Variants in SIN3B observed in about 807,000 individuals in gnomAD.
SIN3B encodes the protein SIN3 transcription regulator family member B, also known as paired amphipathic helix protein Sin3b.
SIN3B carries 19 observed loss-of-function variants against 120.2 expected under a neutral mutation model. The ratio of observed to expected loss-of-function variants is 0.16; its 90% confidence interval spans 0.11 to 0.23. SIN3B has a LOEUF of 0.23. Ranked by LOEUF, SIN3B falls within the 10% of genes least tolerant of loss-of-function variation. The pLI is 1.00. For synonymous variants in SIN3B, 654 were observed against 653.2 expected (o/e 1.00, Z -0.02); for missense variants, 1,073 against 1,573.0 (o/e 0.68, Z 5.38).
At chr19:16,874,887 G>A (rs1423870288) in intron 14 of SIN3B, among the ~76,000 whole-genome samples, 2 of 151,832 alleles carry the variant, frequency 1.3e-5, no homozygotes, top group African/African-American at 4.8e-5. Flanking sequence ...GTCTGGTCTG[G>A]TCTGGTTTTG....
intron 8 of SIN3B, among the ~76,000 whole-genome samples, chr19:16,861,033 C>T (rs1971681284): frequency 1.3e-5 from 2 of 152,126 alleles, no homozygotes; most frequent in African/African-American, 2.4e-5. Context: ...TCCAGGTACA[C>T]ACCACCAGGT....
chr19:16,860,398 G>C (rs1366795908), intron 8 of SIN3B, among the ~76,000 whole-genome samples: 6 of 152,158 alleles, frequency 3.9e-5, no homozygotes, highest in Non-Finnish European at 8.8e-5. Context: ...AGGCATCTCT[G>C]CAGCTTTTTT....
intron 5 of SIN3B, among the ~76,000 whole-genome samples, chr19:16,848,889 T>G (rs1334184968): frequency 6.6e-6 from 1 of 152,208 alleles, no homozygotes; most frequent in African/African-American, 2.4e-5. Context: ...CCTCCCACCT[T>G]GGCCTCCCAA....
Position 16,869,956 on chromosome 19 carries a change from G to C in SIN3B, c.2303G>C (p.Arg768Pro). 6.2e-7 allele frequency: 1 copy of C among 1,614,210 alleles called. No homozygotes were observed. The change falls in exon 13 of 19, where the codon CGC becomes CCC. Residue 768 changes from arginine to proline, a missense_variant. Arg to Pro is a moderately radical substitution (Grantham distance 103). Around this residue, in one of 7 missense-constraint regions of SIN3B, gnomAD observed 52 missense variants for 68.8 expected, o/e 0.76. Transcript: ENST00000248054. ...TLCSRLLKIY[R>P]QAQKQLLEYR... ...TGCTCCAGGCTGCTGAAGATCTACC[G>C]CCAGGCGCAGAAGCAGCTTCTGGAG...
At chr19:16,878,099 C>G in intron 17 of SIN3B, 84 bp from the exon 18 acceptor site, 2 of 1,201,000 alleles carry the variant, frequency 1.7e-6, no homozygotes, top group Non-Finnish European at 2.3e-6. Flanking sequence ...TCTGATGGTC[C>G]CAGGCCTGGG....
chr19:16,861,534 G>A (rs991881128), intron 8 of SIN3B, among the ~76,000 whole-genome samples: 3 of 152,238 alleles, frequency 2.0e-5, no homozygotes, highest in South Asian at 2.1e-4. Flanking sequence ...AGGCCGAGGC[G>A]GGTGAATCAC....
At chr19:16,871,129 C>G (rs2051504641) in intron 13 of SIN3B, 100 bp from the exon 14 acceptor site, 1 of 1,472,904 alleles carries the variant, frequency 6.8e-7, no homozygotes, top group Non-Finnish European at 9.4e-7. Flanking sequence ...GCTGTTGGGC[C>G]CCATGGGGGC....
chr19:16,878,346 G>A lies in SIN3B; in HGVS notation c.3118G>A (p.Glu1040Lys), dbSNP rs138372644. 21 of 1,612,632 alleles carry A rather than the reference G, an allele frequency of 1.3e-5. No homozygotes were observed. In the East Asian group the frequency reaches 1.6e-4, roughly 12 times the overall value. The stretch of plus-strand genomic sequence containing the variant: ...CAAGATGGTGTTCATCGTGAACTCC[G>A]AGGACTACATGTACCGTCGCGGGAC... ...THKMVFIVNSEDYMYRRGTLC... is the reference protein window; with the variant it reads ...THKMVFIVNSKDYMYRRGTLC... The change falls in exon 18 of 19, where the codon GAG (glutamate) becomes AAG (lysine). Residue 1040 changes from glutamate (E) to lysine (K), a missense_variant. Around this residue, in one of 7 missense-constraint regions of SIN3B, gnomAD observed 311 missense variants for 400.3 expected, o/e 0.78. Transcript: ENST00000248054.
chr19:16,860,312 G>A (rs928833983), intron 8 of SIN3B, among the ~76,000 whole-genome samples: 1 of 152,198 alleles, frequency 6.6e-6, no homozygotes, highest in Non-Finnish European at 1.5e-5. Context: ...TGGCAGCCGC[G>A]TGGCAGCCAG....
intron 3 of SIN3B, among the ~76,000 whole-genome samples, 189 bp from the exon 4 acceptor site, chr19:16,841,579 G>A (rs1213943477): frequency 6.6e-6 from 1 of 152,068 alleles, no homozygotes; most frequent in African/African-American, 2.4e-5. Context: ...AGGTGAGCTG[G>A]GAAGACTCAC....
rs752805696 is a variant in SIN3B at position 16,869,574 on chromosome 19, G to A, written c.1921G>A (p.Val641Met). The A allele has an allele frequency of 1.1e-5, 17 of 1,613,770 alleles. No individual in the cohort carries two copies. In the East Asian group the frequency reaches 1.1e-4, roughly 11 times the overall value. ...CGCAGCAGCGCTCATCAGCTACTAC[G>A]TGAAGCGGCAGCCGGCCATCCAGAA... Reference protein sequence around the residue: ...EDAAALISYYVKRQPAIQKED... With the variant: ...EDAAALISYYMKRQPAIQKED... The change falls in exon 13 of 19, where the codon GTG becomes ATG. Residue 641 changes from valine (V) to methionine (M), a missense_variant. Around this residue, in one of 7 missense-constraint regions of SIN3B, gnomAD observed 169 missense variants for 207.3 expected, o/e 0.82. Transcript: ENST00000248054.
rs1159137163 is a variant in SIN3B, at chr19:16,876,413, T to G, written c.2767-73T>G. The G allele has an allele frequency of 2.1e-5, 31 of 1,507,616 alleles. No homozygotes were observed. The highest frequency in any genetic ancestry group is 2.7e-5 in the Non-Finnish European group (30 of 1,097,248). The allele number at this position is 1,507,616 out of a possible 1,614,324, so 93.4% of individuals were successfully genotyped here. The stretch of plus-strand genomic sequence containing the variant: ...GAGGGTGGCAAAGGCGGGAGGCGGG[T>G]GGCCTTGCGAGCCTGCGCTGTGCCG... On this transcript the variant is annotated intron_variant, in intron 15 of 18. Coordinates refer to ENST00000248054, the MANE Select transcript of SIN3B (RefSeq NM_001297595.2). This position sits in a 1 kb window ranked among gnomAD's most constrained non-coding sequence, Gnocchi z 7.1.
At chr19:16,873,565 C>CGGG (rs1040980226) in intron 14 of SIN3B, among the ~76,000 whole-genome samples, 1 of 139,698 alleles carries the variant, frequency 7.2e-6, no homozygotes, top group Non-Finnish European at 1.6e-5. Context: ...GCCATGGCTT[C>CGGG]GGGGACAGCA....
chr19:16,869,372 C>G, intron 12 of SIN3B, 88 bp from the exon 13 acceptor site: 1 of 1,465,606 alleles, frequency 6.8e-7, no homozygotes, highest in South Asian at 1.4e-5. Flanking sequence ...ACCTTGGTGG[C>G]CCAGTTAACA....
In SIN3B at chr19:16,846,690, C is replaced by T. The variant is rs1000821843; in HGVS notation, c.583-280C>T. Among the ~76,000 whole-genome samples, 11 of 152,194 alleles carry T rather than the reference C, an allele frequency of 7.2e-5. No homozygotes were observed. The East Asian group carries it at 1.5e-3, about 21-fold the overall frequency. On this transcript the variant is annotated intron_variant, in intron 4 of 18. Coordinates refer to ENST00000248054, the MANE Select transcript of SIN3B (RefSeq NM_001297595.2). Reference sequence around the variant, plus strand: ...GTTCGCCCCTGACCTTGTACTTCCCCGGCCCACCCCTGATTACAGCCAGCC... The same window carrying T: ...GTTCGCCCCTGACCTTGTACTTCCCTGGCCCACCCCTGATTACAGCCAGCC...
intron 7 of SIN3B, among the ~76,000 whole-genome samples, chr19:16,853,677 CTG>C (rs1339142249): frequency 3.3e-5 from 5 of 150,806 alleles, no homozygotes; most frequent in East Asian, 2.0e-4. Context: ...CGTGCATGGG[CTG>C]TGTGAATTGC....
intron 16 of SIN3B, 123 bp from the exon 17 acceptor site, chr19:16,877,422 T>G: frequency 1.5e-6 from 1 of 687,204 alleles, no homozygotes; most frequent in Non-Finnish European, 2.5e-6. Flanking sequence ...GCAGCGGCTC[T>G]CCTCATGCTC....
Position 16,878,721 on chromosome 19 carries a change from GC to G in SIN3B, c.3390del (p.Ter1131AspfsTer123). The part of the protein sequence containing the change: ...RVQYSRRPAS[P>X] ...TGCAGTACAGCCGCCGCCCGGCCTC[GC>G]CCTGACCCGCCCTCATGGGCACCGG... is the stretch of plus-strand genomic sequence containing the variant. On this transcript the variant is annotated frameshift_variant, in exon 19 of 19. Coordinates refer to ENST00000248054, the MANE Select transcript of SIN3B (RefSeq NM_001297595.2). LOFTEE classifies it high-confidence loss of function. 1 of 1,594,712 alleles carries G rather than the reference GC, an allele frequency of 6.3e-7. No homozygotes were observed.
At chr19:16,869,384 C>A in intron 12 of SIN3B, 76 bp from the exon 13 acceptor site, 6 of 1,482,340 alleles carry the variant, frequency 4.0e-6, no homozygotes, top group Non-Finnish European at 5.4e-6. Flanking sequence ...CAGTTAACAG[C>A]GAGTCGTGAA....
Sources: gnomAD v4.1 joint callset for allele counts (sites outside exome capture counted in the v4.1 genomes callset) on GRCh38, gnomAD v4.1.1 for gene constraint, gnomAD v4.1.1 regional missense constraint, Gnocchi (gnomAD v3.1) non-coding constraint, MANE v1.5 for transcripts, NCBI Gene and HGNC (gene_info 2026-07-23, HGNC 2026-07-21) for gene names.